Variants in SKA2 observed in about 807,000 individuals in gnomAD.
SKA2 encodes spindle and kinetochore associated complex subunit 2.
Under a neutral mutation model 16.9 loss-of-function variants are expected in SKA2, and 13 were observed. The observed-to-expected ratio is 0.77, with a 90% confidence interval of 0.50 to 1.22. The LOEUF is 1.22. Among genes scored for constraint, SKA2 ranks in the 50% most tolerant of loss-of-function variants. The pLI is 0.00. For synonymous variants in SKA2, 47 were observed against 48.5 expected, an observed-to-expected ratio of 0.97 and a Z score of 0.13; for missense variants, 107 against 139.7, an observed-to-expected ratio of 0.77 and a Z score of 1.18.
intron 1 of SKA2, among the ~76,000 whole-genome samples, chr17:59,132,526 T>C (rs1457482475): frequency 2.0e-5 from 3 of 152,132 alleles, no homozygotes; most frequent in Non-Finnish European, 4.4e-5. Flanking sequence ...TAGCTGGGGA[T>C]AGTGGCATGT....
chr17:59,154,975 A>G (rs1459753127), intron 1 of SKA2, 156 bp downstream of exon 1: 19 of 1,613,900 alleles, frequency 1.2e-5, no homozygotes, highest in Non-Finnish European at 1.5e-5. Context: ...TTTAGACACC[A>G]GACGGTGGCG....
intron 1 of SKA2, among the ~76,000 whole-genome samples, chr17:59,146,397 G>A (rs1299396265): frequency 6.6e-6 from 1 of 152,066 alleles, no homozygotes; most frequent in Admixed American, 6.6e-5. Flanking sequence ...TACTCGGGAG[G>A]GTGACGCAGG....
chr17:59,118,687 C>A (rs980514550), intron 3 of SKA2, among the ~76,000 whole-genome samples: 20 of 152,266 alleles, frequency 1.3e-4, no homozygotes, highest in African/African-American at 4.6e-4. Flanking sequence ...GCCCTTCCTT[C>A]CTCCATCATT....
chr17:59,129,826 G>C (rs2046398413), intron 2 of SKA2, among the ~76,000 whole-genome samples: 1 of 148,612 alleles, frequency 6.7e-6, no homozygotes, highest in Admixed American at 6.8e-5. Context: ...CTGAACTCCA[G>C]CCTGGATAAC....
rs77282282 is a variant in SKA2 at position 59,155,004 on chromosome 17, G to A, written c.33+127C>T. On this transcript the variant is annotated intron_variant, in intron 1 of 3. Transcript: ENST00000330137. ...GGTGGCGGCTCCCTTTGGTGCAGGA[G>A]GAGGGAACTCGACTCTGGTCCAGCC... 5,386 of 1,613,994 alleles carry A rather than the reference G, an allele frequency of 3.3e-3. 18 individuals are homozygous for A. The highest frequency in any genetic ancestry group is 4.1e-3 in the Middle Eastern group (25 of 6,062).
chr17:59,149,398 A>G (rs2046559749), intron 1 of SKA2, among the ~76,000 whole-genome samples: 1 of 152,026 alleles, frequency 6.6e-6, no homozygotes, highest in African/African-American at 2.4e-5. Context: ...AGTTCCAGCT[A>G]CTCAGCAAGC....
intron 3 of SKA2, among the ~76,000 whole-genome samples, chr17:59,116,476 T>C (rs1385578656): frequency 6.6e-6 from 1 of 152,208 alleles, no homozygotes; most frequent in Non-Finnish European, 1.5e-5. Context: ...TAAGAAAGAT[T>C]ATGAAATTAG....
intron 2 of SKA2, 74 bp downstream of exon 2, chr17:59,131,207 G>T: frequency 1.1e-6 from 1 of 927,034 alleles, no homozygotes; most frequent in South Asian, 1.7e-5. Flanking sequence ...ATTACTATTA[G>T]GAATGCTATC....
chr17:59,121,738 C>A (rs1464611432), intron 2 of SKA2, among the ~76,000 whole-genome samples: 1 of 139,124 alleles, frequency 7.2e-6, no homozygotes, highest in Non-Finnish European at 1.5e-5. Flanking sequence ...TGCCTGAACT[C>A]AGGAGTTCGA....
intron 1 of SKA2, among the ~76,000 whole-genome samples, chr17:59,149,817 T>C (rs989210068): frequency 1.3e-5 from 2 of 152,200 alleles, no homozygotes; most frequent in Admixed American, 6.5e-5. Flanking sequence ...ATTCCATTTA[T>C]ATGAAATTCT....
intron 3 of SKA2, among the ~76,000 whole-genome samples, chr17:59,113,832 A>G (rs1376512646): frequency 6.6e-6 from 1 of 152,100 alleles, no homozygotes; most frequent in Non-Finnish European, 1.5e-5. Context: ...GTCTCAAAAA[A>G]AAAAAAAAGA....
chr17:59,153,257 G>C (rs1280858908), intron 1 of SKA2, among the ~76,000 whole-genome samples: 1 of 152,156 alleles, frequency 6.6e-6, no homozygotes, highest in Non-Finnish European at 1.5e-5. Flanking sequence ...TTCAGAATGG[G>C]AGAAGGGCAA....
chr17:59,113,248 C>T (rs1166347242), intron 3 of SKA2, among the ~76,000 whole-genome samples: 5 of 151,740 alleles, frequency 3.3e-5, no homozygotes, highest in Admixed American at 1.3e-4. Context: ...AGGCCGGACG[C>T]GGTGGCTCAT....
chr17:59,142,665 G>A (rs2046500211), intron 1 of SKA2, among the ~76,000 whole-genome samples: 1 of 151,406 alleles, frequency 6.6e-6, no homozygotes. Context: ...AGTGGCTCAT[G>A]CCAGTAATCC....
chr17:59,144,066 G>C (rs1272486029), intron 1 of SKA2, among the ~76,000 whole-genome samples: 1 of 152,034 alleles, frequency 6.6e-6, no homozygotes, highest in East Asian at 1.9e-4. Flanking sequence ...TGAGTCAGGA[G>C]AATCGCTTGA....
intron 3 of SKA2, among the ~76,000 whole-genome samples, 165 bp from the exon 4 acceptor site, chr17:59,112,510 A>G (rs2046270072): frequency 6.6e-6 from 1 of 152,246 alleles, no homozygotes; most frequent in South Asian, 2.1e-4. Context: ...TTGGCTATTT[A>G]TATACAAGGT....
Position 59,140,060 on chromosome 17 carries a change from A to T in SKA2, c.34-8693T>A, listed in dbSNP as rs73319263. Among the ~76,000 whole-genome samples the T allele has an allele frequency of 2.0e-3, 304 of 152,276 alleles. 1 individual carries two copies. Among genetic ancestry groups the T allele is most frequent in the African/African-American group, 6.9e-3 (287 of 41,560 alleles). ...TTTTCTGCTGGAGAAAGTATTGACT[A>T]TTACCCATTCTCTCTTCCAAACAGA... On this transcript the variant is annotated intron_variant, in intron 1 of 3. Transcript: ENST00000330137.
At chr17:59,135,112 G>A (rs2046435321) in intron 1 of SKA2, among the ~76,000 whole-genome samples, 1 of 152,056 alleles carries the variant, frequency 6.6e-6, no homozygotes, top group Admixed American at 6.6e-5. Flanking sequence ...TGGGATTACA[G>A]GTGTGAGCCA....
intron 1 of SKA2, among the ~76,000 whole-genome samples, chr17:59,134,736 T>C (rs765812072): frequency 6.6e-6 from 1 of 152,194 alleles, no homozygotes; most frequent in Non-Finnish European, 1.5e-5. Flanking sequence ...CTCCAAGGTT[T>C]GAAAGATTTT....
Sources: allele counts gnomAD v4.1 joint callset (sites outside exome capture counted in the v4.1 genomes callset), GRCh38; gene constraint gnomAD v4.1.1; transcripts MANE v1.5; gene names NCBI Gene and HGNC (gene_info 2026-07-23, HGNC 2026-07-21).